The following INSC variants were observed in gnomAD, a reference collection of about 807,000 sequenced individuals.
INSC encodes the protein protein inscuteable homolog.
In INSC, 67 loss-of-function variants were observed where a neutral mutation model predicts 58.6. The observed-to-expected ratio is 1.14, with a 90% CI of 0.94 to 1.40. The LOEUF is 1.40. Among genes scored for constraint, INSC ranks in the 40% most tolerant of loss-of-function variants. The pLI is 0.00. For synonymous variants in INSC, 262 were observed against 276.1 expected, an observed-to-expected ratio of 0.95 and a Z score of 0.51; for missense variants, 714 against 692.0, an observed-to-expected ratio of 1.03 and a Z score of -0.36.
intron 1 of INSC, among the ~76,000 whole-genome samples, chr11:15,139,796 T>C (rs774797397): frequency 1.3e-5 from 2 of 152,236 alleles, no homozygotes; most frequent in African/African-American, 4.8e-5. Flanking sequence ...TGAAGGTGGC[T>C]AAAAGGGCCA....
chr11:15,153,639 T>A (rs777800696), intron 2 of INSC, among the ~76,000 whole-genome samples: 2 of 152,240 alleles, frequency 1.3e-5, no homozygotes, highest in Non-Finnish European at 2.9e-5. Context: ...CACAGAAACA[T>A]AGGGTGTGAC....
chr11:15,217,401 T>C (rs1475004961), intron 7 of INSC, among the ~76,000 whole-genome samples: 1 of 152,176 alleles, frequency 6.6e-6, no homozygotes, highest in African/African-American at 2.4e-5. Flanking sequence ...AGCCAAACCA[T>C]ATCAGTAGGT....
chr11:15,137,711 T>G (rs1664218399), intron 1 of INSC, among the ~76,000 whole-genome samples: 1 of 152,208 alleles, frequency 6.6e-6, no homozygotes, highest in Non-Finnish European at 1.5e-5. Context: ...AGGCTTTGGC[T>G]TAAGGGAATG....
intron 2 of INSC, among the ~76,000 whole-genome samples, chr11:15,159,018 C>T (rs1424207255): frequency 6.6e-5 from 10 of 152,274 alleles, no homozygotes; most frequent in African/African-American, 2.2e-4. Flanking sequence ...CCAGGCCTGG[C>T]CCCAGTGTGC....
intron 1 of INSC, among the ~76,000 whole-genome samples, chr11:15,134,554 C>A (rs1945625): frequency 0.37 from 56,188 of 151,998 alleles, 11,124 homozygotes; most frequent in East Asian, 0.6. Context: ...GAGTTTACTT[C>A]TTTGTCCAGA....
chr11:15,160,238 G>C (rs1317899138), intron 2 of INSC, among the ~76,000 whole-genome samples: 1 of 152,208 alleles, frequency 6.6e-6, no homozygotes, highest in Non-Finnish European at 1.5e-5. Flanking sequence ...TCCTTCAGAA[G>C]AGAGATCAAG....
upstream of INSC, among the ~76,000 whole-genome samples, chr11:15,114,249 G>C (rs1345378395): frequency 7.5e-6 from 1 of 133,678 alleles, no homozygotes; most frequent in South Asian, 2.9e-4. Flanking sequence ...TCCAGGACGG[G>C]GGTGGGGGGT....
chr11:15,200,902 C>G lies in INSC; in HGVS notation c.772C>G (p.Leu258Val), dbSNP rs1850562763. ...CTTGTACCCCCAGGCGCTCCGCACG[C>G]TGGCCTCCATCTGCTGCGTGGAAGA... ...RCLYPQALRT[L>V]ASICCVEEGV... The change falls in exon 7 of 13, where the codon CTG becomes GTG. Residue 258 changes from leucine to valine, a missense_variant. Coordinates refer to ENST00000379556, the MANE Select transcript of INSC (RefSeq NM_001042536.3). 1.2e-6 allele frequency: 2 copies of G among 1,613,434 alleles called. No individual in the cohort carries two copies. Among genetic ancestry groups the G allele is most frequent in the Non-Finnish European group, 1.7e-6 (2 of 1,179,924 alleles).
intron 8 of INSC, among the ~76,000 whole-genome samples, chr11:15,222,040 G>A (rs1851462547): frequency 6.6e-6 from 1 of 152,194 alleles, no homozygotes; most frequent in Admixed American, 6.5e-5. Context: ...AGTGACTATG[G>A]CAGCAATGAC....
At chr11:15,112,403 G>A (rs750456478), upstream of INSC, 234 of 1,368,596 alleles carry the variant, frequency 1.7e-4, 1 homozygote, top group Admixed American at 7.3e-4. Context: ...GGTGGGCAAA[G>A]GGAAAGAAGC....
intron 7 of INSC, among the ~76,000 whole-genome samples, chr11:15,219,933 C>G (rs1357145625): frequency 6.6e-6 from 1 of 152,180 alleles, no homozygotes; most frequent in Non-Finnish European, 1.5e-5. Flanking sequence ...TAGTTAAACA[C>G]CTGGCATGAG....
intron 3 of INSC, among the ~76,000 whole-genome samples, chr11:15,176,381 C>T (rs1303989412): frequency 1.3e-5 from 2 of 151,986 alleles, no homozygotes; most frequent in Non-Finnish European, 2.9e-5. Flanking sequence ...TAATGCCAGA[C>T]TGCTTGGGTT....
At position 15,225,641 on chromosome 11, in the gene INSC, G is replaced by C. The variant is rs749353075; in HGVS notation, c.992-9G>C. The C allele has an allele frequency of 2.5e-6, 4 of 1,606,550 alleles. No individual in the cohort carries two copies. The Admixed American group carries it at 5.1e-5, about 21-fold the overall frequency. ...CACGGAAGTTATTTTCTTTCTCTTTGCCATCCAGAACTGTGCCAAGAGGCC... is the reference window on the plus strand; with the variant it reads ...CACGGAAGTTATTTTCTTTCTCTTTCCCATCCAGAACTGTGCCAAGAGGCC... On this transcript the variant is annotated splice_polypyrimidine_tract_variant and intron_variant, in intron 8 of 12. Coordinates refer to ENST00000379556, the MANE Select transcript of INSC (RefSeq NM_001042536.3).
chr11:15,137,715 G>A (rs535981724), intron 1 of INSC, among the ~76,000 whole-genome samples: 15 of 152,180 alleles, frequency 9.9e-5, no homozygotes, highest in Non-Finnish European at 1.8e-4. Context: ...TTTGGCTTAA[G>A]GGAATGTTGT....
intron 2 of INSC, among the ~76,000 whole-genome samples, chr11:15,162,185 C>T (rs148812346): frequency 2.0e-5 from 3 of 152,250 alleles, no homozygotes; most frequent in African/African-American, 7.2e-5. Flanking sequence ...GAATAAAACC[C>T]AAAGTGCTTA....
Position 15,245,934 on chromosome 11 carries a change from G to A in INSC, c.1493G>A (p.Gly498Glu). 1.9e-6 allele frequency: 3 copies of A among 1,614,154 alleles called. No homozygotes were observed. Among genetic ancestry groups the A allele is most frequent in the Non-Finnish European group, 1.7e-6 (2 of 1,179,974 alleles). Residue 498 changes from glycine (G) to glutamate (E), a missense_variant, in exon 13 of 13, where the codon GGG becomes GAG. By Grantham distance (98) the Gly-to-Glu change is moderately conservative. Coordinates refer to ENST00000379556, the MANE Select transcript of INSC (RefSeq NM_001042536.3). Reference sequence around the variant, plus strand: ...CAGGCTGCTCTGCGTAGATTGGCTGGGGTCTGCCCTGAAGGCCTCCAGGAC... The same window carrying A: ...CAGGCTGCTCTGCGTAGATTGGCTGAGGTCTGCCCTGAAGGCCTCCAGGAC... ...ACLAALRRLA[G>E]VCPEGLQDSD...
chr11:15,249,269 A>G (rs1390413566), downstream of INSC, among the ~76,000 whole-genome samples: 1 of 152,240 alleles, frequency 6.6e-6, no homozygotes, highest in Non-Finnish European at 1.5e-5. Flanking sequence ...GCACAGGTAG[A>G]AAAGTCTACA....
the INSC span, among the ~76,000 whole-genome samples, chr11:15,268,282 T>C: frequency 6.6e-6 from 1 of 152,050 alleles, no homozygotes; most frequent in Non-Finnish European, 1.5e-5. Context: ...GAAGTTGCCC[T>C]TCTATTAATT....
chr11:15,141,128 C>T (rs556684735), intron 1 of INSC, among the ~76,000 whole-genome samples: 3 of 152,228 alleles, frequency 2.0e-5, no homozygotes, highest in South Asian at 2.1e-4. Flanking sequence ...ATCTCTAAGG[C>T]CCCCCTACTA....
Sources: gnomAD v4.1 joint callset for allele counts (sites outside exome capture counted in the v4.1 genomes callset) on GRCh38, gnomAD v4.1.1 for gene constraint, MANE v1.5 for transcripts, NCBI Gene and HGNC (gene_info 2026-07-23, HGNC 2026-07-21) for gene names.